DMD: variants seen among roughly 807,000 people sequenced by gnomAD.
DMD encodes the protein mutant dystrophin.
DMD carries 63 observed loss-of-function variants against 330.1 expected under a neutral mutation model. The ratio of observed to expected loss-of-function variants is 0.19; its 90% CI spans 0.16 to 0.24. The LOEUF (loss-of-function observed/expected upper bound fraction) is 0.24, where lower values mean the gene tolerates loss of function less well. Among genes scored for constraint, DMD ranks in the 10% least tolerant of loss-of-function variants. The pLI, the probability that DMD is intolerant of heterozygous loss-of-function variation, is 1.00. For synonymous variants in DMD, 1,223 were observed against 959.8 expected (o/e 1.27, Z -5.07); for missense variants, 3,344 against 2,684.1 (o/e 1.25, Z -5.43).
chrX:32,187,039 C>T (rs1269219311), intron 44 of DMD, among the ~76,000 whole-genome samples: 2 of 109,826 alleles, frequency 1.8e-5, no homozygotes, highest in Non-Finnish European at 3.8e-5. Flanking sequence ...TAAAGAAGTT[C>T]AGATTTTAGC....
At chrX:31,122,032 T>A in intron 78 of DMD, 102 bp from the exon 79 acceptor site, 1 of 645,366 alleles carries the variant, frequency 1.5e-6, no homozygotes. Context: ...CATTTCTGGG[T>A]GAAGACAACA....
chrX:32,316,720 TAATA>T (rs1420110396), intron 41 of DMD, among the ~76,000 whole-genome samples: 1 of 111,525 alleles, frequency 9.0e-6, no homozygotes, highest in Non-Finnish European at 1.9e-5. Flanking sequence ...CAATAATGTT[TAATA>T]TATAGACTTT....
intron 34 of DMD, among the ~76,000 whole-genome samples, chrX:32,369,789 C>A (rs1469271268): frequency 2.7e-5 from 3 of 110,943 alleles, no homozygotes; most frequent in Admixed American, 9.6e-5. Flanking sequence ...TCTTAAGAGT[C>A]TCCTGTTCTC....
rs1221732295 is a variant in DMD at position 32,530,451 on chromosome X, C to A, written c.2169-12320G>T. On this transcript the variant is annotated intron_variant, in intron 17 of 78. Coordinates refer to ENST00000357033, the MANE Select transcript of DMD (RefSeq NM_004006.3). The stretch of plus-strand genomic sequence containing the variant: ...AATGATGTTAAAATAATCTTCCTAC[C>A]TTAATTTGGTATTAAATCTTAATCA... 7.1e-5 allele frequency among the ~76,000 whole-genome samples: 8 copies of A among 112,028 alleles called. No homozygotes were observed. The South Asian group carries it at 2.9e-3, about 41-fold the overall frequency.
chrX:33,020,875 C>T (rs2093901184), intron 1 of DMD, among the ~76,000 whole-genome samples: 1 of 110,705 alleles, frequency 9.0e-6, no homozygotes, highest in South Asian at 3.9e-4. Context: ...TGCCATCCAC[C>T]CAACCATGGA....
In DMD at chrX:32,501,861, G is replaced by C; in HGVS notation, c.2293-19C>G. 1.8e-6 allele frequency: 2 copies of C among 1,129,176 alleles called. No homozygotes were observed. Among genetic ancestry groups the C allele is most frequent in the Admixed American group, 2.3e-5 (1 of 44,274 alleles). The allele number at this position is 1,129,176 out of a possible 1,213,427, so 93.1% of individuals were successfully genotyped here. A position where few individuals can be genotyped will look rare whatever the true frequency, so the allele number is the denominator to read the frequency against. On this transcript the variant is annotated intron_variant, in intron 18 of 78. Transcript: ENST00000357033. Reference sequence around the variant, plus strand: ...CTATGGCCTGCAGCATGAGAGCAAAGATGAGTAATTCAATACAAGGACTGT... The same window carrying C: ...CTATGGCCTGCAGCATGAGAGCAAACATGAGTAATTCAATACAAGGACTGT...
intron 7 of DMD, among the ~76,000 whole-genome samples, chrX:32,738,485 C>T (rs1222068837): frequency 9.0e-6 from 1 of 111,445 alleles, no homozygotes; most frequent in Non-Finnish European, 1.9e-5. Flanking sequence ...CTTAATAAAG[C>T]AATTGTAAGG....
chrX:31,648,189 TAGAA>T (rs2080213535), intron 54 of DMD, among the ~76,000 whole-genome samples: 1 of 111,590 alleles, frequency 9.0e-6, no homozygotes, highest in African/African-American at 3.3e-5. Context: ...AAAAATATGA[TAGAA>T]GGAATTGCTA....
At chrX:32,480,916 T>C (rs1469808669) in intron 21 of DMD, among the ~76,000 whole-genome samples, 1 of 111,114 alleles carries the variant, frequency 9.0e-6, no homozygotes, top group African/African-American at 3.3e-5. Flanking sequence ...CAACAGATTA[T>C]GTGTCTACTG....
chrX:31,569,428 G>A (rs1421736428), intron 55 of DMD, among the ~76,000 whole-genome samples: 2 of 107,846 alleles, frequency 1.9e-5, no homozygotes, highest in Admixed American at 2.0e-4. Flanking sequence ...AGGGCTGATG[G>A]TGACACAAAT....
Position 32,390,152 on chromosome X carries a change from C to T in DMD, c.4263G>A (p.Glu1421=), listed in dbSNP as rs2097991306. The T allele has an allele frequency of 8.3e-7, 1 of 1,207,858 alleles. No individual in the cohort carries two copies. Among genetic ancestry groups the T allele is most frequent in the Non-Finnish European group, 1.1e-6 (1 of 892,096 alleles). The change falls in exon 31 of 79, where the codon GAG becomes GAA. Residue 1421 remains glutamate, a synonymous_variant. Coordinates refer to ENST00000357033, the MANE Select transcript of DMD (RefSeq NM_004006.3). ...GTTTCTTCATTTCTTCTAAACTGAT[C>T]TCATGACTTGTCAAATCAGATTGGA... ...QKIQSDLTSH[E]ISLEEMKKHN...
chrX:31,764,419 C>G (rs1013961893), intron 51 of DMD, among the ~76,000 whole-genome samples: 1 of 111,386 alleles, frequency 9.0e-6, no homozygotes, highest in Non-Finnish European at 1.9e-5. Context: ...TCATTACTTT[C>G]GTATAATATA....
chrX:32,057,700 A>T (rs1188239917), intron 44 of DMD, among the ~76,000 whole-genome samples: 1 of 111,415 alleles, frequency 9.0e-6, no homozygotes, highest in Non-Finnish European at 1.9e-5. Context: ...AATTCCTATC[A>T]TAATCCCAAT....
In DMD at chrX:31,146,315, C is replaced by T. The variant is rs1397794482; in HGVS notation, c.10897G>A (p.Gly3633Ser). Residue 3633 changes from glycine (G) to serine (S), a missense_variant, in exon 76 of 79, where the codon GGC (glycine) becomes AGC (serine). Coordinates refer to ENST00000357033, the MANE Select transcript of DMD (RefSeq NM_004006.3). The part of the protein sequence containing the change: ...SSQPMLLRVV[G>S]SQTSDSMGEE... The stretch of plus-strand genomic sequence containing the variant: ...CCCATGGAGTCCGAAGTTTGACTGC[C>T]AACCACTCGGAGCAGCATAGGCTGA... 4.1e-6 allele frequency: 5 copies of T among 1,209,395 alleles called. No individual in the cohort carries two copies. The highest frequency in any genetic ancestry group is 5.6e-6 in the Non-Finnish European group (5 of 894,927).
intron 1 of DMD, among the ~76,000 whole-genome samples, chrX:33,145,650 T>C (rs952391655): frequency 2.8e-5 from 3 of 108,311 alleles, no homozygotes; most frequent in African/African-American, 1.0e-4. Context: ...TAAATATATA[T>C]ATATATACAG....
At chrX:33,180,153 T>C (rs2049914566) in intron 1 of DMD, among the ~76,000 whole-genome samples, 1 of 111,951 alleles carries the variant, frequency 8.9e-6, no homozygotes, top group Non-Finnish European at 1.9e-5. Flanking sequence ...GCTATATTGC[T>C]ATTCCCTACT....
chrX:31,298,756 G>A (rs1290653755), intron 62 of DMD, among the ~76,000 whole-genome samples: 1 of 111,983 alleles, frequency 8.9e-6, no homozygotes, highest in Non-Finnish European at 1.9e-5. Flanking sequence ...ATGCTGCTCA[G>A]CAGGTCAGAC....
At chrX:33,321,858 C>T (rs1329558636) in intron 1 of DMD, among the ~76,000 whole-genome samples, 2 of 111,757 alleles carry the variant, frequency 1.8e-5, no homozygotes, top group Admixed American at 9.5e-5. Flanking sequence ...CTTGCTGCCT[C>T]ACCTTGCACT....
chrX:32,506,471 A>G (rs1291749713), intron 18 of DMD, among the ~76,000 whole-genome samples: 1 of 109,960 alleles, frequency 9.1e-6, no homozygotes, highest in African/African-American at 3.3e-5. Context: ...CATCAGGAAT[A>G]GCTGTAATAT....
Sources: allele counts gnomAD v4.1 joint callset (sites outside exome capture counted in the v4.1 genomes callset), GRCh38; gene constraint gnomAD v4.1.1; transcripts MANE v1.5; gene names NCBI Gene and HGNC (gene_info 2026-07-23, HGNC 2026-07-21).